The following CHD8 variants were observed in gnomAD, a reference collection of about 807,000 sequenced individuals.
The protein encoded by CHD8 is ATP-dependent chromatin remodeler CHD8.
CHD8 carries 31 observed loss-of-function variants against 279.2 expected under a neutral mutation model. The ratio of observed to expected loss-of-function variants is 0.11; its 90% CI spans 0.08 to 0.15. The LOEUF (loss-of-function observed/expected upper bound fraction) is 0.15. CHD8 is among the 10% of genes least tolerant of loss of function. The pLI is 1.00. For synonymous variants in CHD8, 1,081 were observed against 1,139.6 expected (o/e 0.95, Z 1.04); for missense variants, 2,146 against 3,230.5 (o/e 0.66, Z 8.14).
chr14:21,390,784 A>C (rs1029395081), intron 37 of CHD8, among the ~76,000 whole-genome samples, 163 bp downstream of exon 37: 8 of 132,428 alleles, frequency 6.0e-5, no homozygotes, highest in African/African-American at 8.0e-5. Flanking sequence ...AAAAAAAAAA[A>C]CCCCAGAAAA....
At chr14:21,414,099 A>G (rs930562893) in intron 9 of CHD8, 15 of 524,154 alleles carry the variant, frequency 2.9e-5, no homozygotes, top group African/African-American at 5.8e-5. Context: ...AAAATATCCT[A>G]TAACTAATAA....
At chr14:21,451,754 T>C (rs910997824) in intron 1 of CHD8, among the ~76,000 whole-genome samples, 1 of 152,020 alleles carries the variant, frequency 6.6e-6, no homozygotes, top group African/African-American at 2.4e-5. Context: ...ACCATTTTGC[T>C]TCATGTAACA....
In CHD8 at chr14:21,394,505, G is replaced by GC. The variant is rs1480461597; in HGVS notation, c.5391-21dup. 16 of 1,491,842 alleles carry GC rather than the reference G, an allele frequency of 1.1e-5. No individual in the cohort carries two copies. In the East Asian group the frequency reaches 4.1e-4, roughly 38 times the overall value. 92.4% of individuals were successfully genotyped at this position (1,491,842 alleles called of 1,614,324 possible). ...GTCCATCTACAAAAGGAAAAGTAGG[G>GC]CAACAATAATCAGAAGAACACATCA... On this transcript the variant is annotated intron_variant, in intron 30 of 37. Coordinates refer to ENST00000646647, the MANE Select transcript of CHD8 (RefSeq NM_001170629.2).
chr14:21,386,483 A>C, intron 37 of CHD8: 1 of 393,052 alleles, frequency 2.5e-6, no homozygotes, highest in Non-Finnish European at 4.6e-6. Flanking sequence ...CATTTCACAA[A>C]TGCTTACCTT....
At chr14:21,399,142 T>A in intron 26 of CHD8, 1 of 287,138 alleles carries the variant, frequency 3.5e-6, no homozygotes, top group Non-Finnish European at 7.0e-6. Context: ...GTGCTTTGCC[T>A]CTGAGGTGAC....
At position 21,403,248 on chromosome 14, in the gene CHD8, T is replaced by C; in HGVS notation, c.3519-36A>G. On this transcript the variant is annotated intron_variant, in intron 17 of 37. Transcript: ENST00000646647. This position sits in a 1 kb window ranked among gnomAD's most constrained non-coding sequence, Gnocchi z 4.3. ...ATCGCAGAAAAAAAATGTAAGTGGCTAAGCAGAAGTGGAGACCAAAACAGC... is the reference window on the plus strand; with the variant it reads ...ATCGCAGAAAAAAAATGTAAGTGGCCAAGCAGAAGTGGAGACCAAAACAGC... The C allele has an allele frequency of 6.3e-7, 1 of 1,595,426 alleles. No homozygotes were observed. Among genetic ancestry groups the C allele is most frequent in the Non-Finnish European group, 8.6e-7 (1 of 1,166,938 alleles).
chr14:21,415,982 G>C (rs1229239280), intron 5 of CHD8, 75 bp from the exon 6 acceptor site: 3 of 1,237,042 alleles, frequency 2.4e-6, no homozygotes, highest in Admixed American at 2.2e-5. Flanking sequence ...TTTGCTCATG[G>C]TCATATACTT....
chr14:21,431,647 G>C lies in CHD8; in HGVS notation c.-4C>G, dbSNP rs1889568365. On this transcript the variant is annotated 5_prime_UTR_variant, in exon 2 of 38. Transcript: ENST00000646647. ...GATCCATGATGGGGTCTGCCATCTT[G>C]GGAAAGTAATGGAGGGTACTTCTCC... 1 of 1,547,444 alleles carries C rather than the reference G, an allele frequency of 6.5e-7. No homozygotes were observed. The highest frequency in any genetic ancestry group is 8.7e-7 in the Non-Finnish European group (1 of 1,149,876).
chr14:21,453,120 G>C (rs1420957108), intron 1 of CHD8, among the ~76,000 whole-genome samples: 1 of 151,782 alleles, frequency 6.6e-6, no homozygotes, highest in African/African-American at 2.4e-5. Flanking sequence ...ACCAGCTGGG[G>C]CAAGATGGCA....
chr14:21,403,067 C>G lies in CHD8; in HGVS notation c.3664G>C (p.Asp1222His). ...GGLGINLTAADTCIIFDSDWN... is the reference protein window; with the variant it reads ...GGLGINLTAAHTCIIFDSDWN... ...TCTGAATCAAAGATGATGCAGGTAT[C>G]AGCAGCTGTAAGATTAATACCAAGT... The change falls in exon 18 of 38, where the codon GAT (aspartate) becomes CAT (histidine). Residue 1222 changes from aspartate to histidine, a missense_variant. Asp to His is a moderately conservative substitution (Grantham distance 81). Around this residue, in one of 26 missense-constraint regions of CHD8, gnomAD observed 48 missense variants for 135.7 expected, o/e 0.35. Coordinates refer to ENST00000646647, the MANE Select transcript of CHD8 (RefSeq NM_001170629.2). The surrounding 1 kb of genome is among the most constrained non-coding windows in gnomAD (Gnocchi z 4.3). 1 of 1,614,042 alleles carries G rather than the reference C, an allele frequency of 6.2e-7. No homozygotes were observed. The highest frequency in any genetic ancestry group is 8.5e-7 in the Non-Finnish European group (1 of 1,179,914).
chr14:21,437,100 G>T, intron 1 of CHD8: 1 of 854,528 alleles, frequency 1.2e-6, no homozygotes, highest in Non-Finnish European at 1.7e-6. Context: ...TAGGAGCAAT[G>T]TTAGGGCGGA....
Position 21,385,440 on chromosome 14 carries a change from A to G in CHD8, c.*173T>C, listed in dbSNP as rs1332269096. 9.2e-7 allele frequency: 1 copy of G among 1,091,268 alleles called. No individual in the cohort carries two copies. The highest frequency in any genetic ancestry group is 3.0e-5 in the Admixed American group (1 of 33,376). The allele number at this position is 1,091,268 out of a possible 1,614,324, so 67.6% of individuals were successfully genotyped here. A position where few individuals can be genotyped will look rare whatever the true frequency, so the allele number is the denominator to read the frequency against. On this transcript the variant is annotated 3_prime_UTR_variant, in exon 38 of 38. Coordinates refer to ENST00000646647, the MANE Select transcript of CHD8 (RefSeq NM_001170629.2). Reference sequence around the variant, plus strand: ...TTTTAGGAGTTCCCCTGCCCACCCAATCCTCTCATAATTGGGAGCAATCAG... The same window carrying G: ...TTTTAGGAGTTCCCCTGCCCACCCAGTCCTCTCATAATTGGGAGCAATCAG...
In CHD8 at chr14:21,435,396, T is replaced by C. The variant is rs888567867; in HGVS notation, c.-215-3538A>G. On this transcript the variant is annotated intron_variant, in intron 1 of 37. Coordinates refer to ENST00000646647, the MANE Select transcript of CHD8 (RefSeq NM_001170629.2). ...TAAAGGTGAAACTACTGCTTCCCCT[T>C]GAGACAAGTACAAACTGATGTTCTT... Among the ~76,000 whole-genome samples, 18 of 152,202 alleles carry C rather than the reference T, an allele frequency of 1.2e-4. No homozygotes were observed. In the East Asian group the frequency reaches 3.5e-3, roughly 29 times the overall value.
chr14:21,406,941 T>C lies in CHD8; in HGVS notation c.2822A>G (p.Glu941Gly). 1 of 1,612,890 alleles carries C rather than the reference T, an allele frequency of 6.2e-7. No individual in the cohort carries two copies. Among genetic ancestry groups the C allele is most frequent in the Non-Finnish European group, 8.5e-7 (1 of 1,179,464 alleles). ...LSDCPELREI[E>G]WRCVIIDEAH... ...TTCATCAATGATAACACAACGCCATTCAATTTCACGAAGCTCAGGACAATC... is the reference window on the plus strand; with the variant it reads ...TTCATCAATGATAACACAACGCCATCCAATTTCACGAAGCTCAGGACAATC... The change falls in exon 14 of 38, where the codon GAA becomes GGA. Residue 941 changes from glutamate (E) to glycine (G), a missense_variant. Around this residue, in one of 26 missense-constraint regions of CHD8, gnomAD observed 211 missense variants for 464.7 expected, o/e 0.45. Coordinates refer to ENST00000646647, the MANE Select transcript of CHD8 (RefSeq NM_001170629.2).
rs1435393389 is a variant in CHD8, at chr14:21,408,438, C to T, written c.2604G>A (p.Leu868=). ...CTCGCTCCCAGTTAGTAATTGTGGA[C>T]AGTGGGGCAATGACCAAGAAGGGAC... is the stretch of plus-strand genomic sequence containing the variant. ...IHGPFLVIAP[L]STITNWEREF... The change falls in exon 13 of 38, where the codon CTG becomes CTA. Residue 868 remains leucine (L), a synonymous_variant. Transcript: ENST00000646647. This position sits in a 1 kb window ranked among gnomAD's most constrained non-coding sequence, Gnocchi z 4.3. 17 of 1,613,836 alleles carry T rather than the reference C, an allele frequency of 1.1e-5. No individual in the cohort carries two copies. In the East Asian group the frequency reaches 3.6e-4, roughly 34 times the overall value.
intron 5 of CHD8, among the ~76,000 whole-genome samples, chr14:21,420,150 C>T (rs1267703624): frequency 1.3e-5 from 2 of 152,110 alleles, no homozygotes; most frequent in Admixed American, 1.3e-4. Flanking sequence ...CAGATTATCT[C>T]CTAGTGCCCT....
chr14:21,428,206 GAACTTT>G lies in CHD8; in HGVS notation c.1258_1263del (p.Lys420_Val421del). The stretch of plus-strand genomic sequence containing the variant: ...AAAGCTGCCACTTCACTGGCACTCA[GAACTTT>G]AACTACAGAGAGCCCAGAAGAGGCC... On this transcript the variant is annotated inframe_deletion, in exon 4 of 38. Coordinates refer to ENST00000646647, the MANE Select transcript of CHD8 (RefSeq NM_001170629.2). 1 of 1,613,982 alleles carries G rather than the reference GAACTTT, an allele frequency of 6.2e-7. No individual in the cohort carries two copies. The highest frequency in any genetic ancestry group is 8.5e-7 in the Non-Finnish European group (1 of 1,179,876).
chr14:21,417,879 T>TA (rs1440600976), intron 5 of CHD8, among the ~76,000 whole-genome samples: 32 of 143,992 alleles, frequency 2.2e-4, no homozygotes, highest in African/African-American at 7.7e-4. Flanking sequence ...TATATATATA[T>TA]ATAATATATA....
chr14:21,397,406 T>C, intron 27 of CHD8: 1 of 515,438 alleles, frequency 1.9e-6, no homozygotes, highest in Non-Finnish European at 3.9e-6. Context: ...TTGGGACATG[T>C]TTTCAGGCAA....
Sources: gnomAD v4.1 joint callset for allele counts (sites outside exome capture counted in the v4.1 genomes callset) on GRCh38, gnomAD v4.1.1 for gene constraint, gnomAD v4.1.1 regional missense constraint, Gnocchi (gnomAD v3.1) non-coding constraint, MANE v1.5 for transcripts, NCBI Gene and HGNC (gene_info 2026-07-23, HGNC 2026-07-21) for gene names.